The following RRAS2 variants were observed in gnomAD, a reference collection of about 807,000 sequenced individuals.
RRAS2 encodes RAS related 2.
In RRAS2, 7 loss-of-function variants were observed where a neutral mutation model predicts 27.6. That is an observed-to-expected ratio of 0.25 (90% CI 0.14 to 0.48). The LOEUF (loss-of-function observed/expected upper bound fraction) is 0.48. Among genes scored for constraint, RRAS2 ranks in the 20% least tolerant of loss-of-function variants. The pLI is 0.99. For missense variants in RRAS2, 178 were observed against 256.2 expected, an observed-to-expected ratio of 0.69 and a Z score of 2.08; for synonymous variants, 86 against 90.9, an observed-to-expected ratio of 0.95 and a Z score of 0.31.
chr11:14,338,435 G>A (rs1398678748), intron 1 of RRAS2, among the ~76,000 whole-genome samples: 1 of 152,174 alleles, frequency 6.6e-6, no homozygotes, highest in Non-Finnish European at 1.5e-5. Flanking sequence ...GTCTAAACAT[G>A]AGATTTATTT....
chr11:14,334,549 C>G (rs553673117), intron 1 of RRAS2, among the ~76,000 whole-genome samples: 2 of 152,122 alleles, frequency 1.3e-5, no homozygotes, highest in African/African-American at 4.8e-5. Flanking sequence ...CACACACACA[C>G]ACACACACAC....
chr11:14,281,865 G>T, intron 4 of RRAS2, 145 bp from the exon 5 acceptor site: 1 of 653,554 alleles, frequency 1.5e-6, no homozygotes, highest in Non-Finnish European at 2.6e-6. Flanking sequence ...AACAGCTCAA[G>T]ATAAACTAAA....
chr11:14,324,949 A>C (rs782788359), intron 1 of RRAS2, among the ~76,000 whole-genome samples: 12 of 152,188 alleles, frequency 7.9e-5, no homozygotes, highest in Non-Finnish European at 1.5e-4. Flanking sequence ...ATGTGGAAAA[A>C]AGCGAGATTG....
Position 14,358,863 on chromosome 11 carries a change from G to A in RRAS2, c.8C>T (p.Ala3Val). The A allele has an allele frequency of 2.7e-6, 4 of 1,465,684 alleles. No homozygotes were observed. Among genetic ancestry groups the A allele is most frequent in the Non-Finnish European group, 2.7e-6 (3 of 1,100,936 alleles). The allele number at this position is 1,465,684 out of a possible 1,614,324, so 90.8% of individuals were successfully genotyped here. A position where few individuals can be genotyped will look rare whatever the true frequency, so the allele number is the denominator to read the frequency against. ...GCCGGAGCCGTCCCGCCAGCCGGCC[G>A]CGGCCATGGGGACGCTACAGAGCCC... MA[A>V]AGWRDGSGQE... is the part of the protein sequence containing the mutation. Residue 3 changes from alanine to valine, a missense_variant, in exon 1 of 6, where the codon GCG becomes GTG. Coordinates refer to ENST00000256196, the MANE Select transcript of RRAS2 (RefSeq NM_012250.6). This position sits in a 1 kb window ranked among gnomAD's most constrained non-coding sequence, Gnocchi z 5.1.
chr11:14,332,417 C>G (rs1288800428), intron 1 of RRAS2, among the ~76,000 whole-genome samples: 3 of 152,180 alleles, frequency 2.0e-5, no homozygotes, highest in Non-Finnish European at 4.4e-5. Context: ...AGGAGGCCCA[C>G]TTGAGCCTGG....
At chr11:14,334,811 C>T (rs1236953313) in intron 1 of RRAS2, among the ~76,000 whole-genome samples, 1 of 152,208 alleles carries the variant, frequency 6.6e-6, no homozygotes, top group Non-Finnish European at 1.5e-5. Flanking sequence ...CCTCCAACAT[C>T]TTCCCTATTG....
At position 14,355,393 on chromosome 11, in the gene RRAS2, A is replaced by G. The variant is rs560299659; in HGVS notation, c.108+3370T>C. 9.3e-4 allele frequency among the ~76,000 whole-genome samples: 141 copies of G among 152,282 alleles called. 2 individuals are homozygous for G. The South Asian group carries it at 0.027, about 29-fold the overall frequency. On this transcript the variant is annotated intron_variant, in intron 1 of 5. Coordinates refer to ENST00000256196, the MANE Select transcript of RRAS2 (RefSeq NM_012250.6). ...AGTTTACTTAACATTTAGGTGTTCT[A>G]CCTACCAACAGAACTTTACACATTT...
intron 1 of RRAS2, among the ~76,000 whole-genome samples, chr11:14,310,918 C>A (rs1847949615): frequency 6.6e-6 from 1 of 152,222 alleles, no homozygotes; most frequent in Admixed American, 6.5e-5. Flanking sequence ...GGTTCTGATA[C>A]TTCCTTTCAA....
At chr11:14,309,045 C>G (rs1847896452) in intron 1 of RRAS2, among the ~76,000 whole-genome samples, 1 of 152,150 alleles carries the variant, frequency 6.6e-6, no homozygotes, top group African/African-American at 2.4e-5. Context: ...GGCTCTTTTC[C>G]TTTCCAAACT....
chr11:14,288,118 C>A (rs987884928), intron 4 of RRAS2, among the ~76,000 whole-genome samples: 2 of 152,068 alleles, frequency 1.3e-5, no homozygotes, highest in African/African-American at 2.4e-5. Flanking sequence ...GTAGTTGGGA[C>A]TACAGGCACG....
intron 1 of RRAS2, among the ~76,000 whole-genome samples, chr11:14,334,841 A>C (rs1400984308): frequency 2.0e-5 from 3 of 152,134 alleles, no homozygotes; most frequent in African/African-American, 7.2e-5. Context: ...TTTCCTCAGC[A>C]TATAAACAAG....
At chr11:14,306,889 G>T (rs1316559858) in intron 1 of RRAS2, among the ~76,000 whole-genome samples, 1 of 57,188 alleles carries the variant, frequency 1.7e-5, no homozygotes, top group African/African-American at 5.5e-5. Flanking sequence ...TATGTGCCAA[G>T]ATAAAAAAAA....
chr11:14,332,362 G>A (rs531565359), intron 1 of RRAS2, among the ~76,000 whole-genome samples: 18 of 152,280 alleles, frequency 1.2e-4, no homozygotes, highest in East Asian at 9.7e-4. Context: ...CTAGCCAGGC[G>A]TGGTGGCGTG....
chr11:14,362,513 A>G (rs1554956257), upstream of RRAS2, among the ~76,000 whole-genome samples: 1 of 152,160 alleles, frequency 6.6e-6, no homozygotes, highest in Non-Finnish European at 1.5e-5. Context: ...AAGACACAGG[A>G]GAATATGGGA....
chr11:14,316,241 A>G (rs1848101724), intron 1 of RRAS2, among the ~76,000 whole-genome samples: 1 of 152,270 alleles, frequency 6.6e-6, no homozygotes, highest in African/African-American at 2.4e-5. Context: ...AAATAAAAAT[A>G]TAAAATTCTT....
Position 14,279,442 on chromosome 11 carries a change from C to A in RRAS2, c.528-18G>T, listed in dbSNP as rs782793024. 2.0e-4 allele frequency: 314 copies of A among 1,565,086 alleles called. 1 individual carries two copies. Among genetic ancestry groups the A allele is most frequent in the Non-Finnish European group, 2.7e-4 (305 of 1,135,904 alleles). ...GAAATTTCCTGTAAGATAAAAAATT[C>A]TAAAATATAATTGCCTTCTTGGTAA... On this transcript the variant is annotated intron_variant, in intron 5 of 5. Coordinates refer to ENST00000256196, the MANE Select transcript of RRAS2 (RefSeq NM_012250.6).
At chr11:14,351,765 G>A (rs1848957874) in intron 1 of RRAS2, among the ~76,000 whole-genome samples, 1 of 147,566 alleles carries the variant, frequency 6.8e-6, no homozygotes, top group Non-Finnish European at 1.5e-5. Flanking sequence ...TGTGGTGGTG[G>A]GCGCCTGTAA....
intron 1 of RRAS2, among the ~76,000 whole-genome samples, chr11:14,337,528 T>C (rs538947963): frequency 4.6e-5 from 7 of 152,304 alleles, no homozygotes; most frequent in African/African-American, 7.2e-5. Flanking sequence ...CATAAGAATA[T>C]AGAACAAAAA....
chr11:14,344,282 A>G (rs1224857653), intron 1 of RRAS2, among the ~76,000 whole-genome samples: 4 of 152,164 alleles, frequency 2.6e-5, no homozygotes, highest in Non-Finnish European at 5.9e-5. Flanking sequence ...CTCGTCATTA[A>G]ATTATCAGAC....
Sources: allele counts gnomAD v4.1 joint callset (sites outside exome capture counted in the v4.1 genomes callset), GRCh38; gene constraint gnomAD v4.1.1; non-coding constraint Gnocchi (gnomAD v3.1); transcripts MANE v1.5; gene names NCBI Gene and HGNC (gene_info 2026-07-23, HGNC 2026-07-21).